The following BCL7A variants were observed in gnomAD, a reference collection of about 807,000 sequenced individuals.
BCL7A encodes B-cell CLL/lymphoma 7 protein family member A.
BCL7A carries 11 observed loss-of-function variants against 28.4 expected under a neutral mutation model. The observed-to-expected ratio is 0.39, with a 90% CI of 0.24 to 0.64. The LOEUF is 0.64. Ranked by LOEUF, BCL7A falls within the 30% of genes least tolerant of loss-of-function variation. The pLI is 0.50. For missense variants in BCL7A, 222 were observed against 274.8 expected (o/e 0.81, Z 1.36); for synonymous variants, 123 against 103.3 (o/e 1.19, Z -1.15).
rs929549188 is a variant in BCL7A, at chr12:122,043,770, G to A, written c.272-116G>A. On this transcript the variant is annotated intron_variant, in intron 3 of 5. Coordinates refer to ENST00000261822, the MANE Select transcript of BCL7A (RefSeq NM_001024808.3). ...AAAAACGGTAACCAGACCCCTCCCCGGGAGAGCTGCCATGGGGTTCCGGGC... is the reference window on the plus strand; with the variant it reads ...AAAAACGGTAACCAGACCCCTCCCCAGGAGAGCTGCCATGGGGTTCCGGGC... 1.1e-4 allele frequency: 114 copies of A among 1,058,348 alleles called. 1 individual carries two copies. Among genetic ancestry groups the A allele is most frequent in the African/African-American group, 7.4e-4 (44 of 59,814 alleles). The allele number at this position is 1,058,348 out of a possible 1,614,324, so 65.6% of individuals were successfully genotyped here.
At chr12:122,040,495 G>T (rs1352957172) in intron 3 of BCL7A, among the ~76,000 whole-genome samples, 2 of 146,764 alleles carry the variant, frequency 1.4e-5, no homozygotes, top group African/African-American at 5.1e-5. Context: ...TTGCACCACT[G>T]CACTCCAGCC....
At position 122,061,259 on chromosome 12, in the gene BCL7A, C is replaced by T. The variant is rs544775101; in HGVS notation, c.*2096C>T. 6.9e-5 allele frequency: 16 copies of T among 231,008 alleles called. No individual in the cohort carries two copies. The highest frequency in any genetic ancestry group is 1.1e-4 in the Non-Finnish European group (13 of 116,628). The allele number at this position is 231,008 out of a possible 1,614,324, so 14.3% of individuals were successfully genotyped here. A position where few individuals can be genotyped will look rare whatever the true frequency, so the allele number is the denominator to read the frequency against. ...ACACACATCCACAGAAACAGAGAGG[C>T]GTAGGTGGCCCTGCCGTTGACCGCA... is the stretch of plus-strand genomic sequence containing the variant. On this transcript the variant is annotated 3_prime_UTR_variant, in exon 6 of 6. Coordinates refer to ENST00000261822, the MANE Select transcript of BCL7A (RefSeq NM_001024808.3).
intron 1 of BCL7A, among the ~76,000 whole-genome samples, chr12:122,025,319 AAAAAAAAAGAAAAAG>A (rs1374522467): frequency 6.6e-6 from 1 of 150,440 alleles, no homozygotes; most frequent in Non-Finnish European, 1.5e-5. Flanking sequence ...GTCTCAAACC[AAAAAAAAAGAAAAAG>A]AAAAAAAAGA....
rs982822573 is a variant in BCL7A, at chr12:122,057,794, C to A, written c.562-1298C>A. Among the ~76,000 whole-genome samples, 10 of 152,300 alleles carry A rather than the reference C, an allele frequency of 6.6e-5. No individual in the cohort carries two copies. In the East Asian group the frequency reaches 1.7e-3, roughly 26 times the overall value. On this transcript the variant is annotated intron_variant, in intron 5 of 5. Coordinates refer to ENST00000261822, the MANE Select transcript of BCL7A (RefSeq NM_001024808.3). ...CACACACACATATGTGTATACCCAGCAAATGCTGAGAGTCCAGCCCAGACC... is the reference window on the plus strand; with the variant it reads ...CACACACACATATGTGTATACCCAGAAAATGCTGAGAGTCCAGCCCAGACC...
At chr12:122,038,041 A>G (rs1883890566) in intron 3 of BCL7A, among the ~76,000 whole-genome samples, 1 of 151,958 alleles carries the variant, frequency 6.6e-6, no homozygotes, top group Non-Finnish European at 1.5e-5. Context: ...GAATCGCTTG[A>G]ACCTAGGAGG....
At chr12:122,036,579 T>A (rs903781099) in intron 3 of BCL7A, among the ~76,000 whole-genome samples, 1 of 152,164 alleles carries the variant, frequency 6.6e-6, no homozygotes, top group Non-Finnish European at 1.5e-5. Context: ...GTTCCCAAAC[T>A]GCACACACCC....
chr12:122,050,787 C>A, intron 4 of BCL7A, among the ~76,000 whole-genome samples: 1 of 152,252 alleles, frequency 6.6e-6, no homozygotes, highest in East Asian at 1.9e-4. Context: ...CAGAGCGAGA[C>A]CCTGTCTCAG....
chr12:122,062,001 G>A lies in BCL7A; in HGVS notation c.*2838G>A, dbSNP rs542460388. 3 of 185,934 alleles carry A rather than the reference G, an allele frequency of 1.6e-5. No homozygotes were observed. The South Asian group carries it at 5.9e-4, about 37-fold the overall frequency. 11.5% of individuals were successfully genotyped at this position (185,934 alleles called of 1,614,324 possible). A position where few individuals can be genotyped will look rare whatever the true frequency, so the allele number is the denominator to read the frequency against. ...CATCAGTAGATATGGTTTGTACAAT[G>A]TACAATTGTTTCATTTCAGAAAATA... On this transcript the variant is annotated 3_prime_UTR_variant, in exon 6 of 6. Coordinates refer to ENST00000261822, the MANE Select transcript of BCL7A (RefSeq NM_001024808.3).
chr12:122,030,578 G>A (rs1420807678), intron 1 of BCL7A, 122 bp from the exon 2 acceptor site: 2 of 884,168 alleles, frequency 2.3e-6, no homozygotes, highest in African/African-American at 3.3e-5. Flanking sequence ...AGTGAGGGTG[G>A]AGCTGGGATT....
chr12:122,050,859 C>T (rs922956401), intron 4 of BCL7A, among the ~76,000 whole-genome samples: 6 of 152,220 alleles, frequency 3.9e-5, no homozygotes, highest in Non-Finnish European at 7.3e-5. Flanking sequence ...GGGGCGAGAA[C>T]GCCAGCAAAG....
At chr12:122,023,644 G>C (rs2135834836) in intron 1 of BCL7A, among the ~76,000 whole-genome samples, 1 of 152,326 alleles carries the variant, frequency 6.6e-6, no homozygotes, top group South Asian at 2.1e-4. Context: ...GAGAAGGGGA[G>C]GCTTTCCAAA....
intron 5 of BCL7A, chr12:122,055,128 C>A: frequency 9.3e-7 from 1 of 1,073,268 alleles, no homozygotes; most frequent in Non-Finnish European, 1.3e-6. Flanking sequence ...GATAATGAGA[C>A]TTGTGGCCTC....
At position 122,022,014 on chromosome 12, in the gene BCL7A, GGCGCGAGTGTGGCCGCCGCGGA is replaced by G. The variant is rs1011140120; in HGVS notation, c.-70_-49del. Reference sequence around the variant, plus strand: ...TGCGCGAGTGAGTGAGCGGCGGGCGGGCGCGAGTGTGGCCGCCGCGGAGCGCGAGCAGGACCCGGCGGGCGCG... The same window carrying G: ...TGCGCGAGTGAGTGAGCGGCGGGCGGGCGCGAGCAGGACCCGGCGGGCGCG... On this transcript the variant is annotated 5_prime_UTR_variant, in exon 1 of 6. Transcript: ENST00000261822. 8.0e-5 allele frequency: 102 copies of G among 1,281,338 alleles called. No homozygotes were observed. Among genetic ancestry groups the G allele is most frequent in the South Asian group, 3.3e-4 (25 of 75,286 alleles). The allele number at this position is 1,281,338 out of a possible 1,614,324, so 79.4% of individuals were successfully genotyped here.
At chr12:122,030,629 C>G in intron 1 of BCL7A, 71 bp from the exon 2 acceptor site, 1 of 1,419,392 alleles carries the variant, frequency 7.0e-7, no homozygotes, top group African/African-American at 1.4e-5. Flanking sequence ...CTCTCAGCCC[C>G]AAGGGAGTGT....
chr12:122,056,949 C>G (rs1951882562), intron 5 of BCL7A, among the ~76,000 whole-genome samples: 1 of 152,244 alleles, frequency 6.6e-6, no homozygotes, highest in African/African-American at 2.4e-5. Context: ...CGAGGCCTCT[C>G]CTCTGCAACA....
At chr12:122,025,879 G>A (rs1454749567) in intron 1 of BCL7A, among the ~76,000 whole-genome samples, 6 of 144,316 alleles carry the variant, frequency 4.2e-5, no homozygotes, top group Admixed American at 1.4e-4. Context: ...CCTGGGAGGC[G>A]CAGGTTGCAG....
intron 5 of BCL7A, 24 bp downstream of exon 5, chr12:122,054,950 G>A (rs777488204): frequency 6.2e-7 from 1 of 1,614,154 alleles, no homozygotes; most frequent in Non-Finnish European, 8.5e-7. Context: ...GGTCTCAGAG[G>A]GGCAGCCAGA....
At position 122,022,000 on chromosome 12, in the gene BCL7A, G is replaced by C. The variant is rs1883469283; in HGVS notation, c.-92G>C. 1 of 1,073,574 alleles carries C rather than the reference G, an allele frequency of 9.3e-7. No individual in the cohort carries two copies. The highest frequency in any genetic ancestry group is 1.6e-5 in the African/African-American group (1 of 61,748). The allele number at this position is 1,073,574 out of a possible 1,614,324, so 66.5% of individuals were successfully genotyped here. On this transcript the variant is annotated 5_prime_UTR_variant, in exon 1 of 6. Coordinates refer to ENST00000261822, the MANE Select transcript of BCL7A (RefSeq NM_001024808.3). ...AGTGCGAGTGTCTGTGCGCGAGTGA[G>C]TGAGCGGCGGGCGGGCGCGAGTGTG...
At chr12:122,025,558 T>C (rs1355465004) in intron 1 of BCL7A, among the ~76,000 whole-genome samples, 3 of 145,384 alleles carry the variant, frequency 2.1e-5, no homozygotes, top group African/African-American at 7.7e-5. Context: ...ACCCAGGAGG[T>C]GGAGCTTGCA....
Sources: allele counts gnomAD v4.1 joint callset (sites outside exome capture counted in the v4.1 genomes callset), GRCh38; gene constraint gnomAD v4.1.1; transcripts MANE v1.5; gene names NCBI Gene and HGNC (gene_info 2026-07-23, HGNC 2026-07-21).